The following PRKCA variants were observed in gnomAD, a reference collection of about 807,000 sequenced individuals.
PRKCA encodes protein kinase C alpha.
Under a neutral mutation model 87.0 loss-of-function variants are expected in PRKCA, and 27 were observed. The observed-to-expected ratio is 0.31, with a 90% confidence interval of 0.23 to 0.43. PRKCA has a LOEUF of 0.43. Among genes scored for constraint, PRKCA ranks in the 20% least tolerant of loss-of-function variants. The pLI is 1.00. For synonymous variants in PRKCA, 329 were observed against 311.1 expected, an observed-to-expected ratio of 1.06 and a Z score of -0.61; for missense variants, 518 against 852.3, an observed-to-expected ratio of 0.61 and a Z score of 4.88.
intron 2 of PRKCA, among the ~76,000 whole-genome samples, chr17:66,465,038 G>T (rs1358062185): frequency 6.6e-6 from 1 of 152,080 alleles, no homozygotes; most frequent in African/African-American, 2.4e-5. Flanking sequence ...GGGATTGGTG[G>T]TTTTTGTTTC....
intron 2 of PRKCA, among the ~76,000 whole-genome samples, chr17:66,326,386 G>A (rs1027031245): frequency 6.6e-6 from 1 of 152,178 alleles, no homozygotes; most frequent in East Asian, 1.9e-4. Flanking sequence ...GTCTGTAAGA[G>A]CATGCTCTTT....
chr17:66,351,207 G>T (rs1224345757), intron 2 of PRKCA, among the ~76,000 whole-genome samples: 1 of 152,160 alleles, frequency 6.6e-6, no homozygotes, highest in African/African-American at 2.4e-5. Flanking sequence ...GAATTTCCTG[G>T]CCAGGAAAAC....
intron 2 of PRKCA, chr17:66,415,566 G>A (rs1912087729): frequency 6.6e-6 from 1 of 152,214 alleles, no homozygotes; most frequent in African/African-American, 2.4e-5. Flanking sequence ...AGATTTCTAA[G>A]CGCAGTCTTA....
At chr17:66,616,232 TG>T (rs1444744434) in intron 3 of PRKCA, among the ~76,000 whole-genome samples, 3 of 152,192 alleles carry the variant, frequency 2.0e-5, no homozygotes, top group African/African-American at 7.2e-5. Flanking sequence ...ACATGTCATG[TG>T]GAATTAGCTT....
chr17:66,490,403 G>T (rs757049249), intron 2 of PRKCA, among the ~76,000 whole-genome samples: 6 of 151,176 alleles, frequency 4.0e-5, no homozygotes, highest in Non-Finnish European at 8.8e-5. Flanking sequence ...GAGTGCAATG[G>T]CAGGATCTCA....
intron 13 of PRKCA, among the ~76,000 whole-genome samples, chr17:66,746,305 C>T (rs1974284039): frequency 6.6e-6 from 1 of 151,838 alleles, no homozygotes; most frequent in Non-Finnish European, 1.5e-5. Flanking sequence ...GTGTGTGCCA[C>T]CACCTGTGCC....
At chr17:66,799,403 ATGG>A (rs1975813895) in intron 16 of PRKCA, among the ~76,000 whole-genome samples, 2 of 1,616 alleles carry the variant, frequency 1.2e-3, no homozygotes, top group Admixed American at 8.5e-3. Flanking sequence ...GGTGGTGGTG[ATGG>A]TGGTGGTGGT....
At chr17:66,435,776 T>A (rs1913357561) in intron 2 of PRKCA, among the ~76,000 whole-genome samples, 1 of 152,136 alleles carries the variant, frequency 6.6e-6, no homozygotes. Flanking sequence ...GGTCTTAAGC[T>A]GTGTCTTAAA....
chr17:66,791,261 C>T (rs186576182), intron 16 of PRKCA, among the ~76,000 whole-genome samples: 4 of 151,272 alleles, frequency 2.6e-5, no homozygotes, highest in South Asian at 2.1e-4. Flanking sequence ...CAGAAATTGT[C>T]GACCCAGGCC....
At chr17:66,773,911 C>T (rs749537142) in intron 13 of PRKCA, 76 bp from the exon 14 acceptor site, 4 of 1,598,982 alleles carry the variant, frequency 2.5e-6, no homozygotes, top group South Asian at 1.1e-5. Flanking sequence ...TAAATGCCTA[C>T]CTGCTTGACT....
chr17:66,676,171 C>G (rs887301778), intron 5 of PRKCA, among the ~76,000 whole-genome samples: 13 of 152,120 alleles, frequency 8.5e-5, no homozygotes, highest in Non-Finnish European at 1.8e-4. Flanking sequence ...TCAGAAGAGG[C>G]CCAAAGTAGA....
chr17:66,306,292 A>T (rs529742136), intron 2 of PRKCA, 165 bp downstream of exon 2: 25 of 614,812 alleles, frequency 4.1e-5, no homozygotes, highest in Non-Finnish European at 6.3e-5. Context: ...ATTGGGGCCT[A>T]CTAATCTGCA....
At chr17:66,441,420 G>A (rs1049214779) in intron 2 of PRKCA, among the ~76,000 whole-genome samples, 7 of 84,024 alleles carry the variant, frequency 8.3e-5, no homozygotes, top group African/African-American at 1.5e-4. Context: ...GAGGGAGATC[G>A]TGGATCCCTG....
At chr17:66,665,505 G>A (rs1972019553) in intron 5 of PRKCA, among the ~76,000 whole-genome samples, 2 of 43,612 alleles carry the variant, frequency 4.6e-5, no homozygotes, top group African/African-American at 1.2e-4. Flanking sequence ...GGCAAGAGGG[G>A]GTCCAAGTAC....
chr17:66,754,654 T>C (rs958097246), intron 13 of PRKCA, among the ~76,000 whole-genome samples: 4 of 152,112 alleles, frequency 2.6e-5, no homozygotes, highest in African/African-American at 9.7e-5. Flanking sequence ...GAAGAGGTGT[T>C]TGATTTCTTT....
intron 2 of PRKCA, among the ~76,000 whole-genome samples, chr17:66,356,300 A>G (rs1167480342): frequency 2.6e-5 from 4 of 151,586 alleles, no homozygotes; most frequent in African/African-American, 9.7e-5. Context: ...GATTTTCTTT[A>G]TCATCCACTT....
intron 2 of PRKCA, among the ~76,000 whole-genome samples, chr17:66,399,883 G>A (rs982380227): frequency 6.6e-6 from 1 of 152,256 alleles, no homozygotes; most frequent in African/African-American, 2.4e-5. Flanking sequence ...AAATGGTTCA[G>A]ATTGGGGATT....
chr17:66,509,573 C>T (rs1462210594), intron 3 of PRKCA, among the ~76,000 whole-genome samples: 2 of 152,188 alleles, frequency 1.3e-5, no homozygotes, highest in Non-Finnish European at 2.9e-5. Flanking sequence ...GATCCACCTG[C>T]ACTAGGAAGG....
chr17:66,374,767 G>A (rs762330947), intron 2 of PRKCA, among the ~76,000 whole-genome samples: 24 of 134,754 alleles, frequency 1.8e-4, no homozygotes, highest in Non-Finnish European at 3.1e-4. Context: ...TTGCTCTGTC[G>A]TCCAGGCTGG....
Sources: allele counts gnomAD v4.1 joint callset (sites outside exome capture counted in the v4.1 genomes callset), GRCh38; gene constraint gnomAD v4.1.1; transcripts MANE v1.5; gene names NCBI Gene and HGNC (gene_info 2026-07-23, HGNC 2026-07-21).